FGD3: variants seen among roughly 807,000 people sequenced by gnomAD.
The protein encoded by FGD3 is FYVE, RhoGEF and PH domain-containing protein 3.
FGD3 carries 45 observed loss-of-function variants against 71.8 expected under a neutral mutation model. That is an observed-to-expected ratio of 0.63 (90% CI 0.49 to 0.80). The LOEUF (loss-of-function observed/expected upper bound fraction) is 0.80, where lower values mean the gene tolerates loss of function less well. Ranked by LOEUF, FGD3 falls within the 30% of genes least tolerant of loss-of-function variation. FGD3 has a pLI of 0.00. For synonymous variants in FGD3, 378 were observed against 392.8 expected (o/e 0.96, Z 0.44); for missense variants, 844 against 951.5 (o/e 0.89, Z 1.49).
chr9:93,003,029 T>C lies in FGD3; in HGVS notation c.543+15T>C. Reference sequence around the variant, plus strand: ...TGCTGGACCAGGTAGCCCACATGGCTTGGGGGCAGTTTCAGTATCTCTTAG... The same window carrying C: ...TGCTGGACCAGGTAGCCCACATGGCCTGGGGGCAGTTTCAGTATCTCTTAG... On this transcript the variant is annotated intron_variant, in intron 4 of 17. Transcript: ENST00000375482. The surrounding 1 kb of genome is among the most constrained non-coding windows in gnomAD (Gnocchi z 4.1). The C allele has an allele frequency of 6.2e-7, 1 of 1,612,666 alleles. No homozygotes were observed. The highest frequency in any genetic ancestry group is 8.5e-7 in the Non-Finnish European group (1 of 1,178,654).
At chr9:92,983,827 A>C (rs1391878232) in intron 3 of FGD3, among the ~76,000 whole-genome samples, 1 of 152,212 alleles carries the variant, frequency 6.6e-6, no homozygotes, top group African/African-American at 2.4e-5. Context: ...AATTTAAAAC[A>C]ATCCTTTAAC....
chr9:92,975,812 T>C (rs1859728642), intron 2 of FGD3, among the ~76,000 whole-genome samples: 1 of 151,976 alleles, frequency 6.6e-6, no homozygotes, highest in East Asian at 1.9e-4. Context: ...ACCGGCCTCA[T>C]GTCCTGGGAG....
intron 1 of FGD3, among the ~76,000 whole-genome samples, chr9:92,948,183 G>C (rs956878090): frequency 6.6e-6 from 1 of 152,078 alleles, no homozygotes; most frequent in South Asian, 2.1e-4. Context: ...ATCATTGCCT[G>C]GGCGATTGCC....
chr9:93,015,272 A>G (rs1861625046), intron 9 of FGD3, among the ~76,000 whole-genome samples: 2 of 152,054 alleles, frequency 1.3e-5, no homozygotes, highest in African/African-American at 4.8e-5. Context: ...CCTGGCCAAC[A>G]TGGCGAAACC....
chr9:93,015,572 A>C (rs1478720079), intron 9 of FGD3, 165 bp from the exon 10 acceptor site: 2 of 491,852 alleles, frequency 4.1e-6, no homozygotes, highest in Admixed American at 6.9e-5. Flanking sequence ...CTCCTCACTC[A>C]AAGATGTAAC....
At position 93,018,138 on chromosome 9, in the gene FGD3, G is replaced by T. The variant is rs1480316691; in HGVS notation, c.1278G>T (p.Val426=). The T allele has an allele frequency of 6.2e-7, 1 of 1,614,022 alleles. No homozygotes were observed. Among genetic ancestry groups the T allele is most frequent in the Non-Finnish European group, 8.5e-7 (1 of 1,179,968 alleles). ...GTTCTTTGTTCTTGCCCCTTCAGGTGCAGGATATCGTCAAGCCAAACACAG... is the reference window on the plus strand; with the variant it reads ...GTTCTTTGTTCTTGCCCCTTCAGGTTCAGGATATCGTCAAGCCAAACACAG... ...REKMDISGLQ[V]QDIVKPNTAH... The change falls in exon 11 of 18, where the codon GTG becomes GTT. Residue 426 remains valine, a splice_region_variant and synonymous_variant. Transcript: ENST00000375482.
intron 9 of FGD3, among the ~76,000 whole-genome samples, chr9:93,014,387 G>A (rs1270352587): frequency 6.6e-6 from 1 of 152,120 alleles, no homozygotes; most frequent in East Asian, 1.9e-4. Flanking sequence ...GGAGGGAGGG[G>A]GAAGGTGGGA....
intron 1 of FGD3, among the ~76,000 whole-genome samples, chr9:92,952,463 T>G (rs1312700734): frequency 6.6e-6 from 1 of 152,018 alleles, no homozygotes; most frequent in Non-Finnish European, 1.5e-5. Flanking sequence ...GGTCTTGATC[T>G]CCTGACCTCG....
intron 15 of FGD3, among the ~76,000 whole-genome samples, chr9:93,031,431 G>C (rs1244151684): frequency 6.6e-6 from 1 of 152,212 alleles, no homozygotes; most frequent in African/African-American, 2.4e-5. Context: ...AGCAGAGGTG[G>C]CTCGGTGCCC....
chr9:92,959,231 G>A (rs1278473016), intron 1 of FGD3, among the ~76,000 whole-genome samples: 2 of 152,064 alleles, frequency 1.3e-5, no homozygotes, highest in African/African-American at 4.8e-5. Flanking sequence ...AAAGTGCTGG[G>A]ATTATATGCG....
At chr9:93,021,122 C>T (rs1861902850) in intron 13 of FGD3, among the ~76,000 whole-genome samples, 5 of 152,368 alleles carry the variant, frequency 3.3e-5, no homozygotes, top group Admixed American at 3.3e-4. Flanking sequence ...CCGCGTACCA[C>T]TCTGTCTGGT....
At chr9:92,977,110 T>G (rs1859789805) in intron 3 of FGD3, among the ~76,000 whole-genome samples, 1 of 152,064 alleles carries the variant, frequency 6.6e-6, no homozygotes. Flanking sequence ...TTTTCCTCAA[T>G]GGGAAACTGA....
intron 1 of FGD3, among the ~76,000 whole-genome samples, chr9:92,967,685 C>G (rs1171871072): frequency 6.6e-6 from 1 of 152,222 alleles, no homozygotes; most frequent in Admixed American, 6.5e-5. Flanking sequence ...AGCTATTCTC[C>G]TGCCTCAGCC....
intron 1 of FGD3, among the ~76,000 whole-genome samples, chr9:92,963,005 T>C (rs1224017727): frequency 6.6e-6 from 1 of 151,296 alleles, no homozygotes; most frequent in African/African-American, 2.4e-5. Flanking sequence ...ACAGCACCCA[T>C]GCGTCCGAGC....
chr9:93,016,973 A>G (rs138258880), intron 10 of FGD3, among the ~76,000 whole-genome samples: 135 of 152,346 alleles, frequency 8.9e-4, no homozygotes, highest in African/African-American at 3.2e-3. Flanking sequence ...TCTAACTACT[A>G]TAAAAAGCTG....
chr9:92,966,363 A>C (rs1166559321), intron 1 of FGD3, among the ~76,000 whole-genome samples: 2 of 151,922 alleles, frequency 1.3e-5, no homozygotes, highest in Non-Finnish European at 2.9e-5. Context: ...GAGCTTCCCC[A>C]CTCCCTCCTT....
At chr9:93,004,293 C>T (rs1860969304) in intron 5 of FGD3, among the ~76,000 whole-genome samples, 156 bp downstream of exon 5, 1 of 152,214 alleles carries the variant, frequency 6.6e-6, no homozygotes, top group South Asian at 2.1e-4. Flanking sequence ...GACTCCACCC[C>T]TTCCTGGTTG....
chr9:93,008,739 G>A (rs939745925), intron 6 of FGD3, among the ~76,000 whole-genome samples: 14 of 152,070 alleles, frequency 9.2e-5, no homozygotes, highest in African/African-American at 3.1e-4. Flanking sequence ...CCAGGTGGGC[G>A]GATCACCTGA....
intron 1 of FGD3, among the ~76,000 whole-genome samples, chr9:92,963,626 A>G (rs1011924070): frequency 2.0e-5 from 3 of 152,176 alleles, no homozygotes; most frequent in African/African-American, 7.2e-5. Context: ...AAAAATGAAT[A>G]TAAGCCTGGA....
Sources: allele counts gnomAD v4.1 joint callset (sites outside exome capture counted in the v4.1 genomes callset), GRCh38; gene constraint gnomAD v4.1.1; non-coding constraint Gnocchi (gnomAD v3.1); transcripts MANE v1.5; gene names NCBI Gene and HGNC (gene_info 2026-07-23, HGNC 2026-07-21).